Variants in GALNT17 observed in about 807,000 individuals in gnomAD.
GALNT17 encodes polypeptide N-acetylgalactosaminyltransferase 17, also known as UDP-GalNAc:polypeptide N-acetylgalactosaminyltransferase-like 3.
GALNT17 carries 29 observed loss-of-function variants against 63.7 expected under a neutral mutation model. The ratio of observed to expected loss-of-function variants is 0.46; its 90% CI spans 0.34 to 0.62. GALNT17 has a LOEUF of 0.62. Among genes scored for constraint, GALNT17 ranks in the 20% least tolerant of loss-of-function variants. The pLI is 0.01. For synonymous variants in GALNT17, 305 were observed against 318.3 expected (o/e 0.96, Z 0.45); for missense variants, 603 against 799.6 (o/e 0.75, Z 2.97).
intron 9 of GALNT17, among the ~76,000 whole-genome samples, chr7:71,701,840 T>C (rs1285188238): frequency 1.2e-3 from 84 of 67,330 alleles, no homozygotes; most frequent in Middle Eastern, 5.7e-3. Flanking sequence ...CATATATATA[T>C]GTGTATATAT....
chr7:71,515,870 G>A (rs760657996), intron 5 of GALNT17, among the ~76,000 whole-genome samples: 3 of 152,114 alleles, frequency 2.0e-5, no homozygotes, highest in Non-Finnish European at 4.4e-5. Context: ...TATTTGAAGG[G>A]GAAAGAGCGG....
At chr7:71,623,810 C>A (rs1190483034) in intron 6 of GALNT17, among the ~76,000 whole-genome samples, 1 of 152,166 alleles carries the variant, frequency 6.6e-6, no homozygotes, top group African/African-American at 2.4e-5. Context: ...CATGTGTACA[C>A]ATGTGAGCAT....
chr7:71,367,380 G>A (rs539375252), intron 2 of GALNT17, among the ~76,000 whole-genome samples: 141 of 152,304 alleles, frequency 9.3e-4, no homozygotes, highest in South Asian at 2.1e-3. Flanking sequence ...CTTGACATGT[G>A]TGCAGGGGAG....
At chr7:71,292,709 G>C (rs1423257377) in intron 1 of GALNT17, among the ~76,000 whole-genome samples, 1 of 140,084 alleles carries the variant, frequency 7.1e-6, no homozygotes, top group East Asian at 2.3e-4. Context: ...GTGTGTGTGT[G>C]TGTTGGGCAG....
At chr7:71,332,614 T>C (rs1318038222) in intron 1 of GALNT17, among the ~76,000 whole-genome samples, 1 of 152,240 alleles carries the variant, frequency 6.6e-6, no homozygotes, top group Non-Finnish European at 1.5e-5. Context: ...TTCATCTTGC[T>C]GTGAATAGAA....
chr7:71,272,914 AC>A (rs900849023), intron 1 of GALNT17, among the ~76,000 whole-genome samples: 1 of 150,738 alleles, frequency 6.6e-6, no homozygotes, highest in African/African-American at 2.5e-5. Context: ...TTTTCACCCT[AC>A]CGGAGAGCAA....
At chr7:71,679,877 T>G (rs1791213628) in intron 9 of GALNT17, among the ~76,000 whole-genome samples, 1 of 149,482 alleles carries the variant, frequency 6.7e-6, no homozygotes. Context: ...TTCCTTCCTT[T>G]TTTTCTTTTT....
chr7:71,187,364 C>T (rs920339746), intron 1 of GALNT17, among the ~76,000 whole-genome samples: 2 of 151,270 alleles, frequency 1.3e-5, no homozygotes, highest in Non-Finnish European at 2.9e-5. Flanking sequence ...TCAAGCGATC[C>T]TCCCTCTTTA....
At chr7:71,608,178 A>G (rs1790074123) in intron 6 of GALNT17, among the ~76,000 whole-genome samples, 1 of 152,206 alleles carries the variant, frequency 6.6e-6, no homozygotes, top group Non-Finnish European at 1.5e-5. Flanking sequence ...GTGAGTACAT[A>G]AATCATATAG....
rs186756573 is a variant in GALNT17 at position 71,564,417 on chromosome 7, G to T, written c.963-6868G>T. ...TTTTCCTGCCTCAGCCTCCCAAGTA[G>T]CTGGGATTACAGGTGCCTACTACCA... is the stretch of plus-strand genomic sequence containing the variant. On this transcript the variant is annotated intron_variant, in intron 5 of 10. Coordinates refer to ENST00000333538, the MANE Select transcript of GALNT17 (RefSeq NM_022479.3). Among the ~76,000 whole-genome samples the T allele has an allele frequency of 6.1e-3, 918 of 150,912 alleles. 6 individuals carry two copies. The highest frequency in any genetic ancestry group is 9.0e-3 in the Non-Finnish European group (610 of 67,810).
intron 1 of GALNT17, among the ~76,000 whole-genome samples, chr7:71,196,158 A>G (rs146250232): frequency 1.3e-4 from 20 of 151,868 alleles, no homozygotes; most frequent in African/African-American, 4.8e-4. Context: ...TTTATTTTTG[A>G]GACAGGGTCT....
chr7:71,582,055 G>A (rs904792914), intron 6 of GALNT17, among the ~76,000 whole-genome samples: 3 of 152,036 alleles, frequency 2.0e-5, no homozygotes, highest in African/African-American at 7.3e-5. Context: ...ATACCTGGTG[G>A]GAATGTAAAC....
chr7:71,198,310 T>C (rs1789096499), intron 1 of GALNT17, among the ~76,000 whole-genome samples: 1 of 152,012 alleles, frequency 6.6e-6, no homozygotes, highest in Admixed American at 6.6e-5. Flanking sequence ...TTTTCTGCTC[T>C]CCCATCCAAA....
chr7:71,563,316 G>C (rs1339253159), intron 5 of GALNT17, among the ~76,000 whole-genome samples: 1 of 152,200 alleles, frequency 6.6e-6, no homozygotes, highest in Non-Finnish European at 1.5e-5. Context: ...TCCACAGCTG[G>C]GTAGGTGGTG....
In GALNT17 at chr7:71,265,331, C is replaced by T. The variant is rs576063602; in HGVS notation, c.239-70219C>T. Among the ~76,000 whole-genome samples, 14 of 151,008 alleles carry T rather than the reference C, an allele frequency of 9.3e-5. No homozygotes were observed. In the East Asian group the frequency reaches 2.2e-3, roughly 23 times the overall value. On this transcript the variant is annotated intron_variant, in intron 1 of 10. Coordinates refer to ENST00000333538, the MANE Select transcript of GALNT17 (RefSeq NM_022479.3). Reference sequence around the variant, plus strand: ...TAGTAGAGACAGGGTTTCACCATATCGGCCAGGCTGCTCTCGAACTCCTGA... The same window carrying T: ...TAGTAGAGACAGGGTTTCACCATATTGGCCAGGCTGCTCTCGAACTCCTGA...
At chr7:71,203,923 A>C (rs571324869) in intron 1 of GALNT17, among the ~76,000 whole-genome samples, 1 of 152,102 alleles carries the variant, frequency 6.6e-6, no homozygotes, top group Non-Finnish European at 1.5e-5. Context: ...TTTTAGTTTG[A>C]TGCAGTCTCA....
chr7:71,133,513 T>C (rs1015478832), intron 1 of GALNT17, among the ~76,000 whole-genome samples: 2 of 152,126 alleles, frequency 1.3e-5, no homozygotes, highest in African/African-American at 4.8e-5. Flanking sequence ...GCGGAGCTAA[T>C]GCGCTTAGGT....
At chr7:71,282,451 C>T (rs754089980) in intron 1 of GALNT17, among the ~76,000 whole-genome samples, 12 of 152,206 alleles carry the variant, frequency 7.9e-5, no homozygotes, top group Non-Finnish European at 1.8e-4. Context: ...TCTTTGCCCC[C>T]GCAAGGCTAG....
rs1788756363 is a variant in GALNT17, at chr7:71,182,727, G to A, written c.238+49687G>A. On this transcript the variant is annotated intron_variant, in intron 1 of 10. Coordinates refer to ENST00000333538, the MANE Select transcript of GALNT17 (RefSeq NM_022479.3). ...CAGCAGATCTTGTGTCCTGGGGAGG[G>A]CAGAGCTGGCCGGCTCCAGCAGCTG... 2.0e-5 allele frequency among the ~76,000 whole-genome samples: 3 copies of A among 152,142 alleles called. No individual in the cohort carries two copies. The South Asian group carries it at 6.2e-4, about 32-fold the overall frequency.
Sources: gnomAD v4.1 joint callset for allele counts (sites outside exome capture counted in the v4.1 genomes callset) on GRCh38, gnomAD v4.1.1 for gene constraint, MANE v1.5 for transcripts, NCBI Gene and HGNC (gene_info 2026-07-23, HGNC 2026-07-21) for gene names.